The following SNTG2 variants were observed in gnomAD, a reference collection of about 807,000 sequenced individuals.
SNTG2 encodes the protein syntrophin gamma 2, also known as gamma-2-syntrophin.
SNTG2 carries 74 observed loss-of-function variants against 70.9 expected under a neutral mutation model. The ratio of observed to expected loss-of-function variants is 1.04; its 90% CI spans 0.86 to 1.27. SNTG2 has a LOEUF of 1.27. SNTG2 is among the 50% of genes most tolerant of loss of function. The pLI, the probability that SNTG2 is intolerant of heterozygous loss-of-function variation, is 0.00. For synonymous variants in SNTG2, 278 were observed against 273.8 expected (o/e 1.02, Z -0.15); for missense variants, 717 against 690.7 (o/e 1.04, Z -0.43).
chr2:1,124,970 A>C (rs1235279982), intron 4 of SNTG2, among the ~76,000 whole-genome samples: 1 of 152,154 alleles, frequency 6.6e-6, no homozygotes, highest in Admixed American at 6.5e-5. Context: ...CAAAACAAAA[A>C]TATGGGTAAT....
intron 1 of SNTG2, among the ~76,000 whole-genome samples, chr2:1,012,568 G>A (rs1369447550): frequency 1.4e-5 from 2 of 147,114 alleles, no homozygotes; most frequent in Non-Finnish European, 3.1e-5. Context: ...AGAGAAGGGT[G>A]GTCTGGAGAA....
chr2:1,348,596 C>T (rs1660421141), intron 16 of SNTG2, among the ~76,000 whole-genome samples: 1 of 152,140 alleles, frequency 6.6e-6, no homozygotes, highest in Admixed American at 6.5e-5. Flanking sequence ...TTGTAGTTGT[C>T]CCACCTTTCT....
chr2:1,117,301 A>G (rs1465227489), intron 4 of SNTG2, among the ~76,000 whole-genome samples: 7 of 152,180 alleles, frequency 4.6e-5, no homozygotes, highest in Admixed American at 6.5e-5. Context: ...GGCAGAACAT[A>G]AACCATAGAA....
At chr2:1,123,342 T>C (rs1284530371) in intron 4 of SNTG2, among the ~76,000 whole-genome samples, 4 of 152,148 alleles carry the variant, frequency 2.6e-5, no homozygotes, top group Non-Finnish European at 5.9e-5. Flanking sequence ...AGTATGGTGT[T>C]GGTATAAAAA....
chr2:1,074,218 C>T (rs113397626), intron 1 of SNTG2, among the ~76,000 whole-genome samples: 1 of 152,156 alleles, frequency 6.6e-6, no homozygotes, highest in African/African-American at 2.4e-5. Context: ...CTCGTCTGCC[C>T]GGGGGAATGC....
chr2:1,362,752 T>C (rs1384890307), intron 16 of SNTG2, among the ~76,000 whole-genome samples: 1 of 150,546 alleles, frequency 6.6e-6, no homozygotes, highest in African/African-American at 2.5e-5. Flanking sequence ...AGCATTTCAA[T>C]AGAACTTCCA....
intron 1 of SNTG2, among the ~76,000 whole-genome samples, chr2:1,055,243 G>A (rs1344011357): frequency 1.3e-5 from 2 of 152,188 alleles, no homozygotes; most frequent in African/African-American, 2.4e-5. Flanking sequence ...AGCTTGCCCC[G>A]GCCCAGGCCA....
intron 6 of SNTG2, among the ~76,000 whole-genome samples, chr2:1,155,044 C>A (rs922106834): frequency 2.0e-5 from 3 of 151,354 alleles, no homozygotes; most frequent in Non-Finnish European, 2.9e-5. Context: ...CACACATACA[C>A]ACCACACACA....
At chr2:1,354,936 T>A (rs4927599) in intron 16 of SNTG2, among the ~76,000 whole-genome samples, 65,863 of 152,150 alleles carry the variant, frequency 0.43, 14,346 homozygotes, top group Middle Eastern at 0.52. Flanking sequence ...CGGGCGGAAG[T>A]TCTCCCTGTG....
intron 1 of SNTG2, among the ~76,000 whole-genome samples, chr2:1,046,152 T>G (rs1479757559): frequency 1.3e-5 from 2 of 152,170 alleles, no homozygotes; most frequent in African/African-American, 4.8e-5. Flanking sequence ...TGATCATTGT[T>G]TTTTAAAGTC....
At chr2:1,252,534 T>C (rs1210031998) in intron 12 of SNTG2, among the ~76,000 whole-genome samples, 4 of 152,250 alleles carry the variant, frequency 2.6e-5, no homozygotes, top group African/African-American at 9.6e-5. Flanking sequence ...TTGGTTTCCA[T>C]GGACCTGGGA....
intron 6 of SNTG2, among the ~76,000 whole-genome samples, chr2:1,151,679 T>G (rs1481021431): frequency 6.6e-6 from 1 of 152,190 alleles, no homozygotes; most frequent in Non-Finnish European, 1.5e-5. Context: ...AGCCTTTGCG[T>G]CCTGGATTTG....
chr2:1,341,422 G>C (rs1397696763), intron 16 of SNTG2: 1 of 152,222 alleles, frequency 6.6e-6, no homozygotes, highest in Non-Finnish European at 1.5e-5. Flanking sequence ...CTCACAGAAA[G>C]GAGGAGTGGG....
chr2:1,072,120 T>C (rs1663600722), intron 1 of SNTG2, among the ~76,000 whole-genome samples: 1 of 152,172 alleles, frequency 6.6e-6, no homozygotes. Flanking sequence ...AGATCATTGA[T>C]GAGGGTGGCT....
rs144120643 is a variant in SNTG2, at chr2:1,364,168, G to A, written c.1489-3175G>A. On this transcript the variant is annotated intron_variant, in intron 16 of 16. Coordinates refer to ENST00000308624, the MANE Select transcript of SNTG2 (RefSeq NM_018968.4). ...AGTATTTTTTTTTTTTTTTGGTAGGGACAGCATTTCACCATGTTGGCCAGG... is the reference window on the plus strand; with the variant it reads ...AGTATTTTTTTTTTTTTTTGGTAGGAACAGCATTTCACCATGTTGGCCAGG... 4.3e-3 allele frequency among the ~76,000 whole-genome samples: 648 copies of A among 150,576 alleles called. 3 individuals carry two copies. Among genetic ancestry groups the A allele is most frequent in the African/African-American group, 0.015 (597 of 40,840 alleles).
At chr2:959,184 A>G (rs1440741793) in intron 1 of SNTG2, among the ~76,000 whole-genome samples, 1 of 152,230 alleles carries the variant, frequency 6.6e-6, no homozygotes, top group African/African-American at 2.4e-5. Flanking sequence ...AGCTGAAAAA[A>G]GGAAGTAAAC....
intron 6 of SNTG2, chr2:1,163,315 G>C (rs1670463497): frequency 6.8e-6 from 1 of 147,018 alleles, no homozygotes; most frequent in African/African-American, 2.7e-5. Context: ...CTCCCAATAG[G>C]AAGTGGGCAT....
At chr2:1,233,302 T>C (rs1676384454) in intron 9 of SNTG2, among the ~76,000 whole-genome samples, 1 of 151,982 alleles carries the variant, frequency 6.6e-6, no homozygotes, top group Non-Finnish European at 1.5e-5. Flanking sequence ...GGGGTCTCGG[T>C]TTGGGGCTTT....
intron 1 of SNTG2, among the ~76,000 whole-genome samples, chr2:1,048,045 T>C (rs1661837271): frequency 6.6e-6 from 1 of 152,066 alleles, no homozygotes; most frequent in African/African-American, 2.4e-5. Context: ...AATATTTTTG[T>C]ACTTCTTAAC....
Sources: gnomAD v4.1 joint callset for allele counts (sites outside exome capture counted in the v4.1 genomes callset) on GRCh38, gnomAD v4.1.1 for gene constraint, MANE v1.5 for transcripts, NCBI Gene and HGNC (gene_info 2026-07-23, HGNC 2026-07-21) for gene names.